CLIP2: variants seen among roughly 807,000 people sequenced by gnomAD.
The protein encoded by CLIP2 is CAP-Gly domain containing linker protein 2.
CLIP2 carries 41 observed loss-of-function variants against 111.7 expected under a neutral mutation model. That is an observed-to-expected ratio of 0.37 (90% CI 0.29 to 0.48). The LOEUF is 0.48. CLIP2 is among the 20% of genes least tolerant of loss of function. The pLI is 0.99. For synonymous variants in CLIP2, 660 were observed against 644.2 expected, an observed-to-expected ratio of 1.02 and a Z score of -0.37; for missense variants, 1,160 against 1,422.1, an observed-to-expected ratio of 0.82 and a Z score of 2.96.
intron 11 of CLIP2, among the ~76,000 whole-genome samples, chr7:74,382,820 C>T: frequency 6.6e-6 from 1 of 151,576 alleles, no homozygotes; most frequent in Non-Finnish European, 1.5e-5. Flanking sequence ...ACTTGTAATC[C>T]CAGCACTTTG....
chr7:74,356,643 A>C lies in CLIP2; in HGVS notation c.1017+20A>C, dbSNP rs1479275946. The C allele has an allele frequency of 1.2e-6, 2 of 1,601,476 alleles. No individual in the cohort carries two copies. Among genetic ancestry groups the C allele is most frequent in the African/African-American group, 2.7e-5 (2 of 74,772 alleles). ...GGCCTGGTGAGGGTGGGGCTGCAGAAGGGGATTCTCTGGTGTGCGTTTGGG... is the reference window on the plus strand; with the variant it reads ...GGCCTGGTGAGGGTGGGGCTGCAGACGGGGATTCTCTGGTGTGCGTTTGGG... On this transcript the variant is annotated intron_variant, in intron 5 of 16. Transcript: ENST00000223398.
chr7:74,298,096 G>C (rs1014233552), intron 1 of CLIP2, among the ~76,000 whole-genome samples: 9 of 152,044 alleles, frequency 5.9e-5, no homozygotes, highest in African/African-American at 2.2e-4. Context: ...TGCAATCTCA[G>C]CGCTTTGGGA....
At chr7:74,368,206 A>G (rs1477270884) in intron 8 of CLIP2, among the ~76,000 whole-genome samples, 1 of 152,010 alleles carries the variant, frequency 6.6e-6, no homozygotes, top group African/African-American at 2.4e-5. Context: ...AAGCAAGAGC[A>G]AGACCTTGTC....
At position 74,305,872 on chromosome 7, in the gene CLIP2, CT is replaced by C. The variant is rs1332817804; in HGVS notation, c.-67-11607del. The stretch of plus-strand genomic sequence containing the variant: ...GCACCCCAACCCCCCCCCACCGCCC[CT>C]GCTGCCAGTTCACCATCATCCTCAG... On this transcript the variant is annotated intron_variant, in intron 1 of 16. Transcript: ENST00000223398. Among the ~76,000 whole-genome samples the C allele has an allele frequency of 6.0e-4, 78 of 129,390 alleles. 1 individual carries two copies. The highest frequency in any genetic ancestry group is 3.8e-3 in the East Asian group (14 of 3,708). 84.9% of individuals were successfully genotyped at this position (129,390 alleles called of 152,430 possible). A position where few individuals can be genotyped will look rare whatever the true frequency, so the allele number is the denominator to read the frequency against.
chr7:74,305,854 A>ACC (rs1554727659), intron 1 of CLIP2, among the ~76,000 whole-genome samples: 28 of 54,504 alleles, frequency 5.1e-4, no homozygotes, highest in South Asian at 1.4e-3. Flanking sequence ...CCTGCACCCC[A>ACC]ACCCCCCCCC....
intron 3 of CLIP2, among the ~76,000 whole-genome samples, chr7:74,348,425 A>G (rs1789865209): frequency 6.6e-6 from 1 of 151,808 alleles, no homozygotes; most frequent in East Asian, 1.9e-4. Context: ...GGAGGCTGAG[A>G]TGGGAGGATC....
Position 74,376,487 on chromosome 7 carries a change from C to G in CLIP2, c.2086C>G (p.Leu696Val). ...GAAGCTGCAGGAGGCCCAGGAGGAG[C>G]TGGCTGGGCTGCAGCGGCACTGGCG... is the stretch of plus-strand genomic sequence containing the variant. ...REKLQEAQEELAGLQRHWRAQ... is the reference protein window; with the variant it reads ...REKLQEAQEEVAGLQRHWRAQ... The change falls in exon 10 of 17, where the codon CTG (leucine) becomes GTG (valine). Residue 696 changes from leucine to valine, a missense_variant. Transcript: ENST00000223398. The surrounding 1 kb of genome is among the most constrained non-coding windows in gnomAD (Gnocchi z 7.1). 6.2e-7 allele frequency: 1 copy of G among 1,612,530 alleles called. No homozygotes were observed. The highest frequency in any genetic ancestry group is 8.5e-7 in the Non-Finnish European group (1 of 1,179,624).
chr7:74,397,302 C>A, intron 14 of CLIP2, 69 bp downstream of exon 14: 1 of 1,519,210 alleles, frequency 6.6e-7, no homozygotes, highest in Non-Finnish European at 9.0e-7. Flanking sequence ...GCCTTGCTGT[C>A]AGGCCATGGA....
chr7:74,405,320 C>G lies in CLIP2; in HGVS notation c.*1472C>G, dbSNP rs1456745879. The G allele has an allele frequency of 6.6e-6, 1 of 152,260 alleles. No homozygotes were observed. Among genetic ancestry groups the G allele is most frequent in the Non-Finnish European group, 1.5e-5 (1 of 68,118 alleles). The allele number at this position is 152,260 out of a possible 1,614,324, so 9.4% of individuals were successfully genotyped here. A position where few individuals can be genotyped will look rare whatever the true frequency, so the allele number is the denominator to read the frequency against. Reference sequence around the variant, plus strand: ...GCTCAGGGAGTGTTTTCCTGTGAGGCCTCCCCCATCAGTGGACCAGAGGGA... The same window carrying G: ...GCTCAGGGAGTGTTTTCCTGTGAGGGCTCCCCCATCAGTGGACCAGAGGGA... On this transcript the variant is annotated 3_prime_UTR_variant, in exon 17 of 17. Coordinates refer to ENST00000223398, the MANE Select transcript of CLIP2 (RefSeq NM_003388.5).
intron 2 of CLIP2, among the ~76,000 whole-genome samples, chr7:74,320,948 C>T (rs1554729933): frequency 1.1e-5 from 1 of 91,202 alleles, no homozygotes; most frequent in Non-Finnish European, 3.1e-5. Context: ...TGGGGCATGG[C>T]GTGCAGCGAG....
At position 74,329,267 on chromosome 7, in the gene CLIP2, C is replaced by T. The variant is rs115636081; in HGVS notation, c.122-9181C>T. On this transcript the variant is annotated intron_variant, in intron 2 of 16. Transcript: ENST00000223398. ...ATAGAGACAAAGTCTCGCTATGTTG[C>T]CTCCTGAGCTCAAGTGATCCTCCCG... Among the ~76,000 whole-genome samples the T allele has an allele frequency of 9.6e-3, 1,453 of 151,798 alleles. 20 individuals are homozygous for T. The highest frequency in any genetic ancestry group is 0.034 in the African/African-American group (1,390 of 41,372).
At chr7:74,342,731 T>C (rs1401592286) in intron 3 of CLIP2, among the ~76,000 whole-genome samples, 1 of 151,610 alleles carries the variant, frequency 6.6e-6, no homozygotes, top group African/African-American at 2.4e-5. Flanking sequence ...CTGGGCAACA[T>C]GGTGAAACCT....
intron 1 of CLIP2, among the ~76,000 whole-genome samples, chr7:74,305,787 C>G (rs1162930357): frequency 1.3e-5 from 2 of 151,926 alleles, no homozygotes; most frequent in Admixed American, 1.3e-4. Context: ...AGTCACCGCA[C>G]CCGGTCACAT....
Position 74,375,878 on chromosome 7 carries a change from T to C in CLIP2, c.1486-9T>C. 6.7e-7 allele frequency: 1 copy of C among 1,500,602 alleles called. No homozygotes were observed. The highest frequency in any genetic ancestry group is 8.9e-7 in the Non-Finnish European group (1 of 1,122,796). 93.0% of individuals were successfully genotyped at this position (1,500,602 alleles called of 1,614,324 possible). A position where few individuals can be genotyped will look rare whatever the true frequency, so the allele number is the denominator to read the frequency against. The stretch of plus-strand genomic sequence containing the variant: ...GCCCGCTGATCCCTGTCTCCCTCTC[T>C]CCCCACAGCTGACCACAGTGGCCGA... On this transcript the variant is annotated splice_polypyrimidine_tract_variant and intron_variant, in intron 9 of 16. Coordinates refer to ENST00000223398, the MANE Select transcript of CLIP2 (RefSeq NM_003388.5).
chr7:74,349,064 A>G (rs2906595), intron 3 of CLIP2, among the ~76,000 whole-genome samples: 92,980 of 151,908 alleles, frequency 0.61, 30,126 homozygotes, highest in Middle Eastern at 0.74. Flanking sequence ...AAGCAACCCA[A>G]TTGTCCATCA....
chr7:74,397,266 G>A (rs782516202), intron 14 of CLIP2, 33 bp downstream of exon 14: 155 of 1,602,178 alleles, frequency 9.7e-5, no homozygotes, highest in Middle Eastern at 5.2e-4. Flanking sequence ...AGGGGCAGGG[G>A]CACTAGTCCG....
At chr7:74,302,887 C>T (rs567286153) in intron 1 of CLIP2, among the ~76,000 whole-genome samples, 2 of 152,230 alleles carry the variant, frequency 1.3e-5, no homozygotes, top group Admixed American at 1.3e-4. Flanking sequence ...AATGGGTGCT[C>T]TCAGGGCAGC....
rs539762484 is a variant in CLIP2, at chr7:74,302,351, G to T, written c.-68+12617G>T. On this transcript the variant is annotated intron_variant, in intron 1 of 16. Transcript: ENST00000223398. ...CTGCCTCAGCCTCCCAAGTAGCAGGGATTACAGGCGCACACCACCACGCCC... is the reference window on the plus strand; with the variant it reads ...CTGCCTCAGCCTCCCAAGTAGCAGGTATTACAGGCGCACACCACCACGCCC... 5.9e-5 allele frequency among the ~76,000 whole-genome samples: 9 copies of T among 152,108 alleles called. No homozygotes were observed. The South Asian group carries it at 1.9e-3, about 32-fold the overall frequency.
chr7:74,340,016 C>A (rs1308372760), intron 3 of CLIP2, among the ~76,000 whole-genome samples: 2 of 152,078 alleles, frequency 1.3e-5, no homozygotes, highest in African/African-American at 2.4e-5. Flanking sequence ...ATGGCTTGAT[C>A]CTGGGAGGCA....
Sources: allele counts gnomAD v4.1 joint callset (sites outside exome capture counted in the v4.1 genomes callset), GRCh38; gene constraint gnomAD v4.1.1; non-coding constraint Gnocchi (gnomAD v3.1); transcripts MANE v1.5; gene names NCBI Gene and HGNC (gene_info 2026-07-23, HGNC 2026-07-21).